The following ZNF385D variants were observed in gnomAD, a reference collection of about 807,000 sequenced individuals.
The protein encoded by ZNF385D is zinc finger protein 659.
A neutral mutation model predicts 35.8 loss-of-function variants in ZNF385D; 15 were observed. The observed-to-expected ratio is 0.42, with a 90% CI of 0.28 to 0.64. ZNF385D has a LOEUF of 0.64. ZNF385D is among the 30% of genes least tolerant of loss of function. ZNF385D has a pLI of 0.23. For synonymous variants in ZNF385D, 212 were observed against 186.8 expected (o/e 1.13, Z -1.10); for missense variants, 474 against 494.6 (o/e 0.96, Z 0.39).
chr3:21,854,816 A>C (rs1696618441), intron 3 of ZNF385D, among the ~76,000 whole-genome samples: 1 of 152,048 alleles, frequency 6.6e-6, no homozygotes, highest in Admixed American at 6.6e-5. Context: ...TGAATGAACT[A>C]AATAATAACT....
intron 3 of ZNF385D, among the ~76,000 whole-genome samples, chr3:21,996,569 T>C (rs1695480076): frequency 6.6e-6 from 1 of 152,210 alleles, no homozygotes; most frequent in Non-Finnish European, 1.5e-5. Context: ...TATTATTCTA[T>C]TAGTTTAATG....
chr3:21,979,698 AAAAG>A (rs200065925), intron 3 of ZNF385D: 1 of 152,218 alleles, frequency 6.6e-6, no homozygotes, highest in East Asian at 1.9e-4. Flanking sequence ...AGATGCTGAA[AAAAG>A]AAAGAGAGAA....
At chr3:22,109,008 T>C (rs1252377277) in intron 3 of ZNF385D, among the ~76,000 whole-genome samples, 1 of 152,094 alleles carries the variant, frequency 6.6e-6, no homozygotes, top group Non-Finnish European at 1.5e-5. Context: ...CAAGATTCTG[T>C]CTCAAAAAAC....
At chr3:21,812,372 G>C (rs1027122914) in intron 3 of ZNF385D, among the ~76,000 whole-genome samples, 1 of 152,244 alleles carries the variant, frequency 6.6e-6, no homozygotes, top group Non-Finnish European at 1.5e-5. Context: ...GCAGCCCATG[G>C]AGTGTGAGCT....
intron 2 of ZNF385D, among the ~76,000 whole-genome samples, chr3:22,304,323 C>A (rs959342136): frequency 6.6e-6 from 1 of 151,990 alleles, no homozygotes; most frequent in African/African-American, 2.4e-5. Context: ...CTTGCTGTTC[C>A]TGATTTATAT....
At chr3:21,695,838 C>T (rs2067453173) in intron 1 of ZNF385D, among the ~76,000 whole-genome samples, 1 of 151,842 alleles carries the variant, frequency 6.6e-6, no homozygotes, top group East Asian at 1.9e-4. Context: ...ATTGCTGCTA[C>T]CTGTTGTTAC....
intron 3 of ZNF385D, among the ~76,000 whole-genome samples, chr3:22,130,247 C>A (rs746336212): frequency 6.6e-6 from 1 of 152,164 alleles, no homozygotes; most frequent in Non-Finnish European, 1.5e-5. Context: ...GCAAGCTGCA[C>A]TGCCTAAAGT....
intron 3 of ZNF385D, among the ~76,000 whole-genome samples, chr3:21,972,621 TAA>T (rs1703333197): frequency 6.6e-6 from 1 of 151,176 alleles, no homozygotes; most frequent in Non-Finnish European, 1.5e-5. Context: ...TAAAACAATA[TAA>T]AAGATGAACA....
intron 2 of ZNF385D, among the ~76,000 whole-genome samples, chr3:22,185,020 C>T (rs1397872380): frequency 2.0e-5 from 3 of 151,756 alleles, no homozygotes; most frequent in Non-Finnish European, 4.4e-5. Context: ...GAGTTTTCTC[C>T]CAGAAATGCT....
At chr3:22,095,088 C>T (rs967550338) in intron 3 of ZNF385D, among the ~76,000 whole-genome samples, 39 of 121,938 alleles carry the variant, frequency 3.2e-4, no homozygotes, top group Non-Finnish European at 3.9e-4. Flanking sequence ...TTCATTCTTT[C>T]TTTTTTTTTT....
chr3:22,273,123 G>C (rs974085998), intron 2 of ZNF385D, among the ~76,000 whole-genome samples: 1 of 151,894 alleles, frequency 6.6e-6, no homozygotes, highest in Non-Finnish European at 1.5e-5. Context: ...TCATTTTACA[G>C]AGTAACAATA....
intron 3 of ZNF385D, among the ~76,000 whole-genome samples, chr3:21,836,264 T>C (rs1319159964): frequency 6.6e-6 from 1 of 152,128 alleles, no homozygotes; most frequent in Non-Finnish European, 1.5e-5. Flanking sequence ...GCGCATTAAA[T>C]CATTTTCGTG....
At chr3:21,839,095 C>T (rs532576483) in intron 3 of ZNF385D, among the ~76,000 whole-genome samples, 11 of 152,098 alleles carry the variant, frequency 7.2e-5, no homozygotes, top group Non-Finnish European at 1.0e-4. Flanking sequence ...ACATAATTAA[C>T]GATTATCAAA....
chr3:22,190,139 T>C (rs1172698097), intron 2 of ZNF385D, among the ~76,000 whole-genome samples: 1 of 152,190 alleles, frequency 6.6e-6, no homozygotes, highest in African/African-American at 2.4e-5. Context: ...AGATTTTATA[T>C]TGCTGCTGAG....
intron 3 of ZNF385D, among the ~76,000 whole-genome samples, chr3:21,961,135 T>C (rs1418488572): frequency 6.6e-6 from 1 of 152,094 alleles, no homozygotes; most frequent in African/African-American, 2.4e-5. Flanking sequence ...GATTTGAGTA[T>C]TATACACTGT....
chr3:21,912,397 T>C (rs970598386), intron 3 of ZNF385D, among the ~76,000 whole-genome samples: 4 of 152,040 alleles, frequency 2.6e-5, no homozygotes, highest in Admixed American at 6.6e-5. Flanking sequence ...GGGTAATCTC[T>C]TACAATATTT....
At chr3:22,343,883 C>T (rs929280335) in intron 2 of ZNF385D, among the ~76,000 whole-genome samples, 2 of 151,982 alleles carry the variant, frequency 1.3e-5, no homozygotes, top group African/African-American at 4.8e-5. Flanking sequence ...ATTAATTCCC[C>T]AACTACTGGG....
chr3:21,973,201 TA>T (rs1340972503), intron 3 of ZNF385D, among the ~76,000 whole-genome samples: 2 of 151,794 alleles, frequency 1.3e-5, no homozygotes, highest in African/African-American at 2.4e-5. Context: ...AACAATACAT[TA>T]AAAAAATCAT....
chr3:21,669,660 A>T (rs1223866654), intron 1 of ZNF385D, among the ~76,000 whole-genome samples: 1 of 152,218 alleles, frequency 6.6e-6, no homozygotes, highest in Non-Finnish European at 1.5e-5. Flanking sequence ...TTACTGTATT[A>T]GATAATATAT....
Sources: allele counts gnomAD v4.1 joint callset (sites outside exome capture counted in the v4.1 genomes callset), GRCh38; gene constraint gnomAD v4.1.1; transcripts MANE v1.5; gene names NCBI Gene and HGNC (gene_info 2026-07-23, HGNC 2026-07-21).